KLHL12: variants seen among roughly 807,000 people sequenced by gnomAD.
KLHL12 encodes kelch like family member 12.
KLHL12 carries 17 observed loss-of-function variants against 60.8 expected under a neutral mutation model. That is an observed-to-expected ratio of 0.28 (90% CI 0.19 to 0.42). The LOEUF is 0.42. KLHL12 is among the 10% of genes least tolerant of loss of function. The pLI, the probability that KLHL12 is intolerant of heterozygous loss-of-function variation, is 1.00. For missense variants in KLHL12, 468 were observed against 722.3 expected (o/e 0.65, Z 4.04); for synonymous variants, 220 against 250.9 (o/e 0.88, Z 1.16).
At chr1:202,902,344 C>T (rs573600040) in intron 6 of KLHL12, among the ~76,000 whole-genome samples, 2 of 151,868 alleles carry the variant, frequency 1.3e-5, no homozygotes, top group South Asian at 2.1e-4. Flanking sequence ...GCAGGAGAAT[C>T]GCTTGAACTT....
chr1:202,922,611 C>T (rs1329605710), intron 2 of KLHL12, among the ~76,000 whole-genome samples: 3 of 151,580 alleles, frequency 2.0e-5, no homozygotes, highest in Admixed American at 1.3e-4. Flanking sequence ...CTCAGCCTCC[C>T]GAGTGGCTGG....
chr1:202,913,947 T>C (rs975759844), intron 4 of KLHL12, among the ~76,000 whole-genome samples: 1 of 152,154 alleles, frequency 6.6e-6, no homozygotes, highest in African/African-American at 2.4e-5. Context: ...CCAGACACTA[T>C]AGATATAGAG....
At chr1:202,927,303 C>G (rs901637454), upstream of KLHL12, 5 of 983,602 alleles carry the variant, frequency 5.1e-6, no homozygotes, top group African/African-American at 8.7e-5. Flanking sequence ...GCTCCAGAGT[C>G]TGCGTCACGT....
intron 6 of KLHL12, among the ~76,000 whole-genome samples, chr1:202,897,240 T>C (rs1458653742): frequency 2.7e-5 from 4 of 146,244 alleles, no homozygotes; most frequent in African/African-American, 7.5e-5. Flanking sequence ...TTTTTTTTTT[T>C]TTTTTTTTTT....
rs760996202 is a variant in KLHL12 at position 202,918,401 on chromosome 1, C to T, written c.350-13G>A. ...GCTTGTTTCACACCTAGGACAGACA[C>T]AGGCAGCAAACACTTTAGAATAGTT... On this transcript the variant is annotated splice_polypyrimidine_tract_variant and intron_variant, in intron 3 of 11. Coordinates refer to ENST00000367261, the MANE Select transcript of KLHL12 (RefSeq NM_021633.4). The T allele has an allele frequency of 4.4e-6, 7 of 1,603,086 alleles. No homozygotes were observed. The Admixed American group carries it at 5.0e-5, about 11-fold the overall frequency.
chr1:202,892,406 A>G lies in KLHL12; in HGVS notation c.*127T>C. On this transcript the variant is annotated 3_prime_UTR_variant, in exon 12 of 12. Transcript: ENST00000367261. ...TATGTGTCAAATAAGTACAATCATC[A>G]CTGCACTGGTGCCTGTAATCACCCG... is the stretch of plus-strand genomic sequence containing the variant. The G allele has an allele frequency of 9.8e-7, 1 of 1,018,760 alleles. No individual in the cohort carries two copies. Among genetic ancestry groups the G allele is most frequent in the Non-Finnish European group, 1.5e-6 (1 of 686,314 alleles). 63.1% of individuals were successfully genotyped at this position (1,018,760 alleles called of 1,614,324 possible).
intron 4 of KLHL12, among the ~76,000 whole-genome samples, chr1:202,917,312 T>G (rs1235598299): frequency 1.3e-5 from 2 of 152,118 alleles, no homozygotes; most frequent in Non-Finnish European, 2.9e-5. Flanking sequence ...ACTCCCAGGC[T>G]CCAGAGATCC....
upstream of KLHL12, chr1:202,927,237 C>T (rs1248860561): frequency 1.0e-6 from 1 of 985,166 alleles, no homozygotes. Context: ...CCGGGTCTGG[C>T]CCCTGCGGCC....
At chr1:202,926,107 A>C (rs1019675198) in intron 1 of KLHL12, among the ~76,000 whole-genome samples, 2 of 147,764 alleles carry the variant, frequency 1.4e-5, no homozygotes, top group Non-Finnish European at 3.0e-5. Context: ...TCTGTCTCAA[A>C]AAAAAAAAAA....
chr1:202,892,262 T>C lies in KLHL12; in HGVS notation c.*271A>G. ...TGGTAAGTTAGAAATGACAGGAAAG[T>C]GCTCCCCAAAGCAGTGGGAGAGGCA... On this transcript the variant is annotated 3_prime_UTR_variant, in exon 12 of 12. Coordinates refer to ENST00000367261, the MANE Select transcript of KLHL12 (RefSeq NM_021633.4). 2.6e-6 allele frequency: 1 copy of C among 390,956 alleles called. No homozygotes were observed. The highest frequency in any genetic ancestry group is 3.7e-5 in the South Asian group (1 of 27,362). 24.2% of individuals were successfully genotyped at this position (390,956 alleles called of 1,614,324 possible).
intron 4 of KLHL12, among the ~76,000 whole-genome samples, chr1:202,916,480 G>C (rs1660524750): frequency 6.6e-6 from 1 of 152,132 alleles, no homozygotes; most frequent in Non-Finnish European, 1.5e-5. Context: ...CTCCGTCTCT[G>C]CTAAAAATAC....
At chr1:202,921,093 C>T (rs1660683552) in intron 2 of KLHL12, among the ~76,000 whole-genome samples, 1 of 152,034 alleles carries the variant, frequency 6.6e-6, no homozygotes, top group Non-Finnish European at 1.5e-5. Context: ...TCACTGCAAC[C>T]TCTGCCTCCC....
chr1:202,904,013 TATTTATC>T (rs1660107771), intron 6 of KLHL12, among the ~76,000 whole-genome samples: 3 of 151,672 alleles, frequency 2.0e-5, no homozygotes, highest in Middle Eastern at 3.4e-3. Context: ...TCTATCTATC[TATTTATC>T]TATCTATCTA....
intron 6 of KLHL12, among the ~76,000 whole-genome samples, chr1:202,901,458 C>CTT (rs56658940): frequency 1.4e-5 from 2 of 142,016 alleles, no homozygotes; most frequent in Non-Finnish European, 3.1e-5. Context: ...ACCCAGCTAC[C>CTT]TTTTTTTTTT....
upstream of KLHL12, among the ~76,000 whole-genome samples, chr1:202,928,281 AAAAAAAAGAAAAAAG>A (rs1476551353): frequency 2.0e-5 from 3 of 151,140 alleles, no homozygotes; most frequent in Non-Finnish European, 4.4e-5. Flanking sequence ...TCTCAAAAAA[AAAAAAAAGAAAAAAG>A]AAAAAAAAGA....
chr1:202,911,420 AT>A (rs760985752), intron 4 of KLHL12, among the ~76,000 whole-genome samples: 1 of 35,716 alleles, frequency 2.8e-5, no homozygotes, highest in East Asian at 4.4e-4. Context: ...TAAAAAAAAA[AT>A]ATATATATAT....
intron 6 of KLHL12, among the ~76,000 whole-genome samples, chr1:202,899,205 CG>C (rs1205621638): frequency 1.3e-5 from 2 of 151,748 alleles, no homozygotes; most frequent in Non-Finnish European, 1.5e-5. Flanking sequence ...CCCAACTACT[CG>C]GGTGGCTCAG....
chr1:202,896,754 T>C lies in KLHL12; in HGVS notation c.939+100A>G, dbSNP rs1659845959. The C allele has an allele frequency of 3.4e-6, 3 of 889,446 alleles. No homozygotes were observed. The African/African-American group carries it at 5.0e-5, about 15-fold the overall frequency. The allele number at this position is 889,446 out of a possible 1,614,324, so 55.1% of individuals were successfully genotyped here. On this transcript the variant is annotated intron_variant, in intron 7 of 11. Transcript: ENST00000367261. ...GACTGTTGTAAGAAACATCCTGTTATTAGGCTTTTCTACTCTTAAGGCTGG... is the reference window on the plus strand; with the variant it reads ...GACTGTTGTAAGAAACATCCTGTTACTAGGCTTTTCTACTCTTAAGGCTGG...
At chr1:202,913,847 C>T (rs765728680) in intron 4 of KLHL12, among the ~76,000 whole-genome samples, 3 of 152,132 alleles carry the variant, frequency 2.0e-5, no homozygotes, top group Non-Finnish European at 4.4e-5. Context: ...TTACATTCAC[C>T]GTAATTAAAA....
Sources: gnomAD v4.1 joint callset for allele counts (sites outside exome capture counted in the v4.1 genomes callset) on GRCh38, gnomAD v4.1.1 for gene constraint, MANE v1.5 for transcripts, NCBI Gene and HGNC (gene_info 2026-07-23, HGNC 2026-07-21) for gene names.